The following GSE1 variants were observed in gnomAD, a reference collection of about 807,000 sequenced individuals.
GSE1 encodes the protein Gse1 coiled-coil protein.
In GSE1, 32 loss-of-function variants were observed where a neutral mutation model predicts 112.6. The ratio of observed to expected loss-of-function variants is 0.28; its 90% confidence interval spans 0.21 to 0.38. The LOEUF is 0.38. Ranked by LOEUF, GSE1 falls within the 10% of genes least tolerant of loss-of-function variation. The pLI, the probability that GSE1 is intolerant of heterozygous loss-of-function variation, is 1.00. For missense variants in GSE1, 2,348 were observed against 1,699.2 expected (o/e 1.38, Z -6.71); for synonymous variants, 1,115 against 735.6 (o/e 1.52, Z -8.35).
intron 2 of GSE1, among the ~76,000 whole-genome samples, chr16:85,516,998 C>T (rs28435567): frequency 0.018 from 2,689 of 152,242 alleles, 88 homozygotes; most frequent in African/African-American, 0.061. Context: ...GGGGTTTCAC[C>T]GTGTTAGCCA....
At chr16:85,586,591 A>G (rs2046706673) in intron 1 of GSE1, among the ~76,000 whole-genome samples, 1 of 152,194 alleles carries the variant, frequency 6.6e-6, no homozygotes, top group African/African-American at 2.4e-5. Flanking sequence ...CATGGCCAAG[A>G]GTCGCAGCTG....
intron 1 of GSE1, among the ~76,000 whole-genome samples, chr16:85,563,016 A>G (rs146046633): frequency 7.7e-4 from 118 of 152,312 alleles, no homozygotes; most frequent in African/African-American, 2.7e-3. Context: ...GGACCTCCTC[A>G]GCCAAACAGA....
rs57691142 is a variant in GSE1, at chr16:85,373,702, T to G, written c.2464+16059T>G. 0.026 allele frequency among the ~76,000 whole-genome samples: 3,954 copies of G among 151,986 alleles called. 151 individuals carry two copies. Among genetic ancestry groups the G allele is most frequent in the African/African-American group, 0.09 (3,730 of 41,424 alleles). The stretch of plus-strand genomic sequence containing the variant: ...CCAGGGAGATTCTGGAGTGAACAGG[T>G]GTGTGGCGGGTGGGTGGAGGGACGA... On this transcript the variant is annotated intron_variant, in intron 2 of 2. Transcript: ENST00000637419. The surrounding 1 kb of genome is among the most constrained non-coding windows in gnomAD (Gnocchi z 5.1).
intron 1 of GSE1, among the ~76,000 whole-genome samples, chr16:85,189,195 T>C (rs573016841): frequency 2.6e-5 from 4 of 152,368 alleles, no homozygotes; most frequent in East Asian, 1.9e-4. Context: ...CTGAAGTTTC[T>C]CTTCCCTCTC....
Position 85,654,359 on chromosome 16 carries a change from C to G in GSE1, c.508C>G (p.Pro170Ala), listed in dbSNP as rs141495598. The change falls in exon 4 of 16, where the codon CCA becomes GCA. Residue 170 changes from proline (P) to alanine (A), a missense_variant. Pro to Ala is a conservative substitution (Grantham distance 27, BLOSUM62 -1). Transcript: ENST00000253458. Reference sequence around the variant, plus strand: ...GCTCCCTCAGGAGAAGGCAGGGGGACCAGCCATCCCCTCGCACCTGCTCAG... The same window carrying G: ...GCTCCCTCAGGAGAAGGCAGGGGGAGCAGCCATCCCCTCGCACCTGCTCAG... ...PPLPQEKAGG[P>A]AIPSHLLSTP... 2.2e-5 allele frequency: 35 copies of G among 1,611,714 alleles called. 1 individual carries two copies. The African/African-American group carries it at 3.7e-4, about 17-fold the overall frequency.
intron 1 of GSE1, among the ~76,000 whole-genome samples, chr16:85,269,161 C>T (rs564140739): frequency 6.7e-6 from 1 of 149,460 alleles, no homozygotes; most frequent in East Asian, 1.9e-4. Context: ...CTTTTATTAC[C>T]ATGCCATCTA....
At chr16:85,200,217 T>C (rs2075002857) in intron 1 of GSE1, among the ~76,000 whole-genome samples, 2 of 152,156 alleles carry the variant, frequency 1.3e-5, no homozygotes, top group Admixed American at 1.3e-4. Flanking sequence ...GGGCCCAGTT[T>C]TATATCTTTC....
Position 85,488,484 on chromosome 16 carries a change from C to G in GSE1, c.2464+130841C>G, listed in dbSNP as rs1258027650. On this transcript the variant is annotated intron_variant, in intron 2 of 2. Coordinates refer to the GSE1 transcript ENST00000637419. ...ACGCAGGGTCTTGTTGCAAGTCTGG[C>G]TTATTCCTCTCTCAGCAGGTCCAAG... is the stretch of plus-strand genomic sequence containing the variant. Among the ~76,000 whole-genome samples the G allele has an allele frequency of 2.0e-5, 3 of 152,188 alleles. No individual in the cohort carries two copies. In the East Asian group the frequency reaches 5.8e-4, roughly 29 times the overall value.
intron 2 of GSE1, among the ~76,000 whole-genome samples, chr16:85,363,474 G>A (rs1425003916): frequency 2.6e-5 from 4 of 152,186 alleles, no homozygotes; most frequent in Admixed American, 6.5e-5. Flanking sequence ...CTGGACTTGC[G>A]TTCCCTATAC....
At chr16:85,385,756 G>A (rs2047674486) in intron 2 of GSE1, among the ~76,000 whole-genome samples, 1 of 152,226 alleles carries the variant, frequency 6.6e-6, no homozygotes, top group African/African-American at 2.4e-5. Flanking sequence ...GGCCTCGGCG[G>A]TAATGGGGTC....
At chr16:85,235,559 A>G (rs1234370956) in intron 1 of GSE1, among the ~76,000 whole-genome samples, 2 of 69,464 alleles carry the variant, frequency 2.9e-5, no homozygotes, top group Admixed American at 2.4e-4. Context: ...TAAAGGGACT[A>G]TATGTGTGTG....
chr16:85,675,074 ACT>A lies in GSE1; in HGVS notation c.*2536_*2537del, dbSNP rs1161321423. The A allele has an allele frequency of 6.6e-6, 1 of 152,318 alleles. No individual in the cohort carries two copies. Among genetic ancestry groups the A allele is most frequent in the Non-Finnish European group, 1.5e-5 (1 of 68,040 alleles). 9.4% of individuals were successfully genotyped at this position (152,318 alleles called of 1,614,324 possible). ...CAACTATTAGTTTCATACTTTGAAA[ACT>A]TACTTTCAGATTATTCTCAAAGAAC... On this transcript the variant is annotated 3_prime_UTR_variant, in exon 16 of 16. Transcript: ENST00000253458.
At chr16:85,391,902 C>T (rs1178013512) in intron 2 of GSE1, among the ~76,000 whole-genome samples, 1 of 152,158 alleles carries the variant, frequency 6.6e-6, no homozygotes, top group African/African-American at 2.4e-5. Flanking sequence ...TGCCCTGACT[C>T]ATGCAGGCTG....
At chr16:85,377,345 C>A (rs2047443154) in intron 2 of GSE1, among the ~76,000 whole-genome samples, 1 of 152,190 alleles carries the variant, frequency 6.6e-6, no homozygotes, top group African/African-American at 2.4e-5. Flanking sequence ...TCCCCCTTGG[C>A]TCCTGGCCCC....
chr16:85,527,747 C>T (rs9929472), intron 2 of GSE1, among the ~76,000 whole-genome samples: 49,287 of 152,188 alleles, frequency 0.32, 8,800 homozygotes, highest in East Asian at 0.68. Context: ...AGCGCACGGG[C>T]TTGCCCACAC....
upstream of GSE1, among the ~76,000 whole-genome samples, chr16:85,551,481 G>A (rs950554659): frequency 2.6e-5 from 4 of 152,198 alleles, no homozygotes; most frequent in Non-Finnish European, 5.9e-5. Flanking sequence ...CAGTGGGAAC[G>A]GGAAAATCCT....
At chr16:85,376,352 C>A (rs1287166982) in intron 2 of GSE1, among the ~76,000 whole-genome samples, 3 of 152,338 alleles carry the variant, frequency 2.0e-5, no homozygotes, top group African/African-American at 4.8e-5. Flanking sequence ...AGTGCCCCTG[C>A]CCGTTAGGAT....
At chr16:85,246,314 C>CACACCCCACACGCTGTCT (rs1905720512) in intron 1 of GSE1, among the ~76,000 whole-genome samples, 1 of 77,942 alleles carries the variant, frequency 1.3e-5, no homozygotes, top group Non-Finnish European at 2.6e-5. Context: ...GCTGTCTACA[C>CACACCCCACACGCTGTCT]ACACACACAC....
Position 85,276,094 on chromosome 16 carries a change from C to A in GSE1, c.2284-81369C>A, listed in dbSNP as rs8046484. ...GGTAGATTTCCTTGGGGTTTGCCTCCCCACTTTACAGATGGGGAAACTGAA... is the reference window on the plus strand; with the variant it reads ...GGTAGATTTCCTTGGGGTTTGCCTCACCACTTTACAGATGGGGAAACTGAA... On this transcript the variant is annotated intron_variant, in intron 1 of 2. Transcript: ENST00000637419. 8.3e-3 allele frequency among the ~76,000 whole-genome samples: 1,259 copies of A among 152,338 alleles called. 21 individuals carry two copies. Among genetic ancestry groups the A allele is most frequent in the African/African-American group, 0.029 (1,208 of 41,576 alleles).
Sources: gnomAD v4.1 joint callset for allele counts (sites outside exome capture counted in the v4.1 genomes callset) on GRCh38, gnomAD v4.1.1 for gene constraint, Gnocchi (gnomAD v3.1) non-coding constraint, MANE v1.5 for transcripts, NCBI Gene and HGNC (gene_info 2026-07-23, HGNC 2026-07-21) for gene names.